DGKB: variants seen among roughly 807,000 people sequenced by gnomAD.
DGKB encodes 90 kDa diacylglycerol kinase.
DGKB carries 67 observed loss-of-function variants against 114.3 expected under a neutral mutation model. The ratio of observed to expected loss-of-function variants is 0.59; its 90% CI spans 0.48 to 0.72. The LOEUF is 0.72. Among genes scored for constraint, DGKB ranks in the 30% least tolerant of loss-of-function variants. DGKB has a pLI of 0.00. For missense variants in DGKB, 907 were observed against 975.2 expected (o/e 0.93, Z 0.93); for synonymous variants, 398 against 323.1 (o/e 1.23, Z -2.49).
At chr7:14,205,756 T>C (rs887140629) in intron 23 of DGKB, among the ~76,000 whole-genome samples, 3 of 151,996 alleles carry the variant, frequency 2.0e-5, no homozygotes, top group Non-Finnish European at 4.4e-5. Flanking sequence ...TGATCTCTCA[T>C]TCTCAACTGC....
rs542247365 is a variant in DGKB, at chr7:14,947,996, C to A, written c.-188+26700G>T. Among the ~76,000 whole-genome samples, 10 of 151,838 alleles carry A rather than the reference C, an allele frequency of 6.6e-5. No homozygotes were observed. The South Asian group carries it at 2.1e-3, about 31-fold the overall frequency. On this transcript the variant is annotated intron_variant, in intron 1 of 4. Coordinates refer to the DGKB transcript ENST00000437998. ...ATTCACTGAACCAACACACCTGAAG[C>A]AACAGTTTACGTGGTTGCTCAGAGG... is the stretch of plus-strand genomic sequence containing the variant.
At position 14,781,710 on chromosome 7, in the gene DGKB, T is replaced by C. The variant is rs553569890; in HGVS notation, c.71-23979A>G. On this transcript the variant is annotated intron_variant, in intron 2 of 25. Coordinates refer to ENST00000402815, the MANE Select transcript of DGKB (RefSeq NM_001350709.2). ...ACTATTCTACTTGAAAACTATGTAG[T>C]TATTTTTACGCACCATTCTTATATG... Among the ~76,000 whole-genome samples, 65 of 152,308 alleles carry C rather than the reference T, an allele frequency of 4.3e-4. 2 individuals carry two copies. In the South Asian group the frequency reaches 7.3e-3, roughly 17 times the overall value.
chr7:14,332,927 A>G (rs1206465983), intron 23 of DGKB, among the ~76,000 whole-genome samples: 2 of 152,188 alleles, frequency 1.3e-5, no homozygotes, highest in Admixed American at 6.5e-5. Context: ...ACAGTCACCT[A>G]TTAATGAGGT....
intron 2 of DGKB, chr7:14,814,211 G>T (rs536246439): frequency 6.6e-6 from 1 of 152,148 alleles, no homozygotes; most frequent in Non-Finnish European, 1.5e-5. Flanking sequence ...TCCAGAAAAA[G>T]TGTCTTCTCT....
At chr7:14,208,341 G>A (rs1262575313) in intron 23 of DGKB, among the ~76,000 whole-genome samples, 1 of 151,992 alleles carries the variant, frequency 6.6e-6, no homozygotes, top group East Asian at 1.9e-4. Flanking sequence ...GCTGGTGGAA[G>A]TGCAGTATTA....
At chr7:14,968,434 T>G (rs1399523533) in intron 1 of DGKB, among the ~76,000 whole-genome samples, 3 of 152,170 alleles carry the variant, frequency 2.0e-5, no homozygotes, top group African/African-American at 7.2e-5. Flanking sequence ...GAATCAAAAT[T>G]GTAAGATTTC....
At chr7:14,608,715 G>A (rs1242770437) in intron 16 of DGKB, among the ~76,000 whole-genome samples, 1 of 151,956 alleles carries the variant, frequency 6.6e-6, no homozygotes, top group Non-Finnish European at 1.5e-5. Flanking sequence ...TAGAACTGAA[G>A]AATTTTAGCA....
At chr7:14,793,174 T>A (rs1418316711) in intron 2 of DGKB, among the ~76,000 whole-genome samples, 2 of 152,152 alleles carry the variant, frequency 1.3e-5, no homozygotes, top group African/African-American at 2.4e-5. Flanking sequence ...CAATTCTACA[T>A]AAATATTATA....
At chr7:14,787,690 AG>A in intron 2 of DGKB, among the ~76,000 whole-genome samples, 1 of 152,330 alleles carries the variant, frequency 6.6e-6, no homozygotes, top group Admixed American at 6.5e-5. Context: ...GGTGCTGACA[AG>A]AAATAATGTG....
intron 25 of DGKB, among the ~76,000 whole-genome samples, chr7:14,171,994 A>T (rs901985036): frequency 1.3e-5 from 2 of 152,154 alleles, no homozygotes; most frequent in Non-Finnish European, 2.9e-5. Context: ...GATAAAACTG[A>T]AACACTGAGG....
intron 5 of DGKB, among the ~76,000 whole-genome samples, chr7:14,724,792 GA>G (rs1365458589): frequency 6.6e-6 from 1 of 152,198 alleles, no homozygotes; most frequent in East Asian, 1.9e-4. Context: ...GCAAAAAGGT[GA>G]AGACAAATCA....
At chr7:14,790,396 T>C (rs1840500183) in intron 2 of DGKB, among the ~76,000 whole-genome samples, 1 of 152,184 alleles carries the variant, frequency 6.6e-6, no homozygotes, top group African/African-American at 2.4e-5. Context: ...TCTTTTATGT[T>C]ACATTTTTTT....
chr7:14,684,369 A>G (rs1328239016), intron 10 of DGKB, among the ~76,000 whole-genome samples: 1 of 152,178 alleles, frequency 6.6e-6, no homozygotes, highest in East Asian at 1.9e-4. Flanking sequence ...AATGTATCTA[A>G]TGAACTTGAC....
intron 21 of DGKB, among the ~76,000 whole-genome samples, chr7:14,367,955 A>AT (rs1328150927): frequency 6.6e-6 from 1 of 152,080 alleles, no homozygotes; most frequent in Non-Finnish European, 1.5e-5. Flanking sequence ...GGGGATTACA[A>AT]TTTGAGATGA....
chr7:14,318,288 G>A (rs1807013230), intron 23 of DGKB, among the ~76,000 whole-genome samples: 2 of 146,784 alleles, frequency 1.4e-5, no homozygotes, highest in African/African-American at 5.1e-5. Context: ...TGACAAATGG[G>A]ATCTAATTAA....
At chr7:14,627,019 G>T (rs1808718466) in intron 14 of DGKB, among the ~76,000 whole-genome samples, 1 of 152,036 alleles carries the variant, frequency 6.6e-6, no homozygotes. Context: ...TTAGAAAAAA[G>T]TAAGAAAATT....
intron 14 of DGKB, among the ~76,000 whole-genome samples, chr7:14,624,748 A>T (rs1808264777): frequency 6.6e-6 from 1 of 152,170 alleles, no homozygotes; most frequent in South Asian, 2.1e-4. Flanking sequence ...CTGTAATCCC[A>T]GCATTTTGGG....
chr7:14,163,412 G>A (rs1222660188), intron 25 of DGKB, among the ~76,000 whole-genome samples: 2 of 152,130 alleles, frequency 1.3e-5, no homozygotes, highest in African/African-American at 2.4e-5. Context: ...TAATGCATAA[G>A]TAACAGGGGA....
chr7:14,192,606 G>T (rs1323319954), intron 23 of DGKB, among the ~76,000 whole-genome samples: 1 of 152,070 alleles, frequency 6.6e-6, no homozygotes, highest in Non-Finnish European at 1.5e-5. Flanking sequence ...GGTCCTCAAT[G>T]TTTTTGGCAC....
Sources: allele counts gnomAD v4.1 joint callset (sites outside exome capture counted in the v4.1 genomes callset), GRCh38; gene constraint gnomAD v4.1.1; transcripts MANE v1.5; gene names NCBI Gene and HGNC (gene_info 2026-07-23, HGNC 2026-07-21).